The following ZFHX3 variants were observed in gnomAD, a reference collection of about 807,000 sequenced individuals.
The protein encoded by ZFHX3 is zinc finger homeobox 3.
In ZFHX3, 42 loss-of-function variants were observed where a neutral mutation model predicts 279.1. The observed-to-expected ratio is 0.15, with a 90% CI of 0.12 to 0.19. The LOEUF is 0.19. ZFHX3 is among the 10% of genes least tolerant of loss of function. ZFHX3 has a pLI of 1.00. For missense variants in ZFHX3, 4,981 were observed against 4,754.0 expected (o/e 1.05, Z -1.40); for synonymous variants, 2,293 against 1,957.8 (o/e 1.17, Z -4.52).
chr16:73,238,377 C>T (rs555928453), intron 5 of ZFHX3, among the ~76,000 whole-genome samples: 12 of 152,262 alleles, frequency 7.9e-5, no homozygotes, highest in East Asian at 1.9e-4. Context: ...GGATGGTCCA[C>T]GAGCCCTTCA....
In ZFHX3 at chr16:72,960,015, C is replaced by T. The variant is rs748214815; in HGVS notation, c.131G>A (p.Gly44Asp). 15 of 1,613,966 alleles carry T rather than the reference C, an allele frequency of 9.3e-6. No individual in the cohort carries two copies. The highest frequency in any genetic ancestry group is 1.3e-5 in the Non-Finnish European group (15 of 1,179,888). The change falls in exon 2 of 10, where the codon GGC becomes GAC. Residue 44 changes from glycine to aspartate, a missense_variant. This residue lies in a region of ZFHX3 where 1,068 missense variants were observed against 935.2 expected (regional missense o/e 1.14). Coordinates refer to ENST00000268489, the MANE Select transcript of ZFHX3 (RefSeq NM_006885.4). Reference protein sequence around the residue: ...DKPSSMEQSTGESHGPLDSLR... With the variant: ...DKPSSMEQSTDESHGPLDSLR... ...GCTGTCCAAGGGCCCGTGGCTCTCGCCTGTGGACTGCTCCATGCTACTGGG... is the reference window on the plus strand; with the variant it reads ...GCTGTCCAAGGGCCCGTGGCTCTCGTCTGTGGACTGCTCCATGCTACTGGG...
chr16:73,455,731 T>A (rs1186595922), intron 3 of ZFHX3, among the ~76,000 whole-genome samples: 2 of 15,688 alleles, frequency 1.3e-4, no homozygotes, highest in East Asian at 1.0e-3. Flanking sequence ...AAAATATTGC[T>A]TTTTTTTTTT....
rs2017791778 is a variant in ZFHX3, at chr16:73,425,316, C to T, written c.-1291+30687G>A. 4.6e-5 allele frequency among the ~76,000 whole-genome samples: 7 copies of T among 152,194 alleles called. No individual in the cohort carries two copies. In the South Asian group the frequency reaches 1.5e-3, roughly 32 times the overall value. ...GCCACTTGCAGGTACCCAGACAGCT[C>T]GGCCCTTACAGAATGATTATAGAAA... On this transcript the variant is annotated intron_variant, in intron 3 of 17. Transcript: ENST00000641206.
intron 1 of ZFHX3, among the ~76,000 whole-genome samples, chr16:73,785,074 T>C (rs1296959850): frequency 6.6e-6 from 1 of 152,160 alleles, no homozygotes; most frequent in East Asian, 1.9e-4. Context: ...AGGATTCAAA[T>C]CTCTTACAAT....
chr16:72,952,232 C>T (rs1281251295), intron 2 of ZFHX3, among the ~76,000 whole-genome samples: 1 of 152,182 alleles, frequency 6.6e-6, no homozygotes, highest in Non-Finnish European at 1.5e-5. Flanking sequence ...GAGCAGGACC[C>T]TGTCTCAAAA....
chr16:73,842,819 G>T (rs1230986231), intron 1 of ZFHX3, among the ~76,000 whole-genome samples: 1 of 152,090 alleles, frequency 6.6e-6, no homozygotes, highest in Non-Finnish European at 1.5e-5. Flanking sequence ...TGCAGAGGGA[G>T]CTGCCCCCTC....
intron 1 of ZFHX3, among the ~76,000 whole-genome samples, chr16:73,736,884 C>G (rs1438742603): frequency 6.6e-6 from 1 of 152,200 alleles, no homozygotes; most frequent in Non-Finnish European, 1.5e-5. Flanking sequence ...CAAGAGATCA[C>G]TGTGTGTATC....
At chr16:72,880,851 T>A (rs1597340542) in intron 4 of ZFHX3, among the ~76,000 whole-genome samples, 1 of 152,160 alleles carries the variant, frequency 6.6e-6, no homozygotes, top group African/African-American at 2.4e-5. Context: ...GAAAAACACA[T>A]CTTTACAAAG....
chr16:73,784,095 C>G (rs771017783), intron 1 of ZFHX3, among the ~76,000 whole-genome samples: 1 of 151,852 alleles, frequency 6.6e-6, no homozygotes, highest in Non-Finnish European at 1.5e-5. Context: ...AGGAAGATGC[C>G]TGGCTGTTTT....
At chr16:73,600,300 G>C (rs1358962846) in intron 2 of ZFHX3, among the ~76,000 whole-genome samples, 1 of 152,054 alleles carries the variant, frequency 6.6e-6, no homozygotes, top group African/African-American at 2.4e-5. Flanking sequence ...TGGTACCTGG[G>C]ACATCACCAA....
intron 5 of ZFHX3, 130 bp downstream of exon 5, chr16:72,829,649 C>T: frequency 1.0e-6 from 1 of 974,856 alleles, no homozygotes; most frequent in Non-Finnish European, 1.6e-6. Flanking sequence ...CCCACTCATC[C>T]TTTTTCTGGG....
chr16:73,473,027 C>A (rs1309890092), intron 2 of ZFHX3, among the ~76,000 whole-genome samples: 1 of 149,918 alleles, frequency 6.7e-6, no homozygotes, highest in African/African-American at 2.5e-5. Context: ...AGTACAGGGG[C>A]CCCTGGATGA....
intron 2 of ZFHX3, among the ~76,000 whole-genome samples, chr16:73,473,573 C>T (rs758538057): frequency 2.0e-5 from 3 of 152,104 alleles, no homozygotes; most frequent in East Asian, 1.9e-4. Context: ...GGCTCCACTT[C>T]GGTGCCACCC....
At chr16:73,563,328 C>A (rs2020403104) in intron 2 of ZFHX3, among the ~76,000 whole-genome samples, 2 of 150,172 alleles carry the variant, frequency 1.3e-5, no homozygotes, top group South Asian at 4.2e-4. Context: ...AGCTCTGCCT[C>A]CTGGGTTCAC....
At chr16:73,757,867 T>G (rs1345833893) in intron 1 of ZFHX3, among the ~76,000 whole-genome samples, 1 of 152,216 alleles carries the variant, frequency 6.6e-6, no homozygotes, top group Non-Finnish European at 1.5e-5. Flanking sequence ...ATTCTGATTT[T>G]GTGACTCACT....
At chr16:73,082,537 G>C (rs1484446848) in intron 8 of ZFHX3, among the ~76,000 whole-genome samples, 2 of 152,122 alleles carry the variant, frequency 1.3e-5, no homozygotes, top group African/African-American at 4.8e-5. Flanking sequence ...CCAGAGTGCT[G>C]GGATTACAGA....
intron 2 of ZFHX3, among the ~76,000 whole-genome samples, chr16:73,661,657 G>A (rs927892137): frequency 2.0e-5 from 3 of 150,746 alleles, no homozygotes; most frequent in African/African-American, 4.9e-5. Context: ...GGGAGGTGAA[G>A]GTTGCAGTGA....
At chr16:73,464,428 CTT>C (rs1446455748) in intron 2 of ZFHX3, among the ~76,000 whole-genome samples, 8 of 149,094 alleles carry the variant, frequency 5.4e-5, no homozygotes, top group South Asian at 2.1e-4. Context: ...ACCATTCTCT[CTT>C]TTATTCTTGG....
chr16:73,142,920 C>T (rs1308229734), intron 6 of ZFHX3, among the ~76,000 whole-genome samples: 2 of 152,156 alleles, frequency 1.3e-5, no homozygotes, highest in East Asian at 3.8e-4. Flanking sequence ...GGGGATGAAA[C>T]GGACTCCAAA....
Sources: allele counts gnomAD v4.1 joint callset (sites outside exome capture counted in the v4.1 genomes callset), GRCh38; gene constraint gnomAD v4.1.1; regional missense constraint gnomAD v4.1.1; transcripts MANE v1.5; gene names NCBI Gene and HGNC (gene_info 2026-07-23, HGNC 2026-07-21).